Variants in MRPS28 observed in about 807,000 individuals in gnomAD.
The protein encoded by MRPS28 is small ribosomal subunit protein bS1m.
In MRPS28, 7 loss-of-function variants were observed where a neutral mutation model predicts 10.8. The observed-to-expected ratio is 0.65, with a 90% CI of 0.37 to 1.22. The LOEUF is 1.22. MRPS28 is among the 50% of genes most tolerant of loss of function. The pLI is 0.02. For synonymous variants in MRPS28, 121 were observed against 93.3 expected (o/e 1.30, Z -1.71); for missense variants, 265 against 232.9 (o/e 1.14, Z -0.90).
chr8:79,928,384 C>T (rs116153331), intron 2 of MRPS28, among the ~76,000 whole-genome samples: 209 of 151,966 alleles, frequency 1.4e-3, no homozygotes, highest in African/African-American at 4.9e-3. Flanking sequence ...GAATAGAGTT[C>T]GTGACTTGAC....
intron 2 of MRPS28, among the ~76,000 whole-genome samples, chr8:79,993,367 TA>T (rs1456844489): frequency 2.0e-5 from 3 of 152,310 alleles, no homozygotes; most frequent in African/African-American, 7.2e-5. Flanking sequence ...ATGATAGAGC[TA>T]TACATATGTG....
At chr8:79,939,015 T>C (rs1806684964) in intron 2 of MRPS28, among the ~76,000 whole-genome samples, 1 of 152,242 alleles carries the variant, frequency 6.6e-6, no homozygotes, top group South Asian at 2.1e-4. Flanking sequence ...TTCTAGTTTC[T>C]ATCAATATGC....
intron 1 of MRPS28, among the ~76,000 whole-genome samples, chr8:80,012,710 T>C (rs1464521409): frequency 1.3e-5 from 2 of 152,220 alleles, no homozygotes; most frequent in Non-Finnish European, 2.9e-5. Context: ...AGCCTGAAAG[T>C]TGACAGGACC....
At chr8:79,991,100 A>G (rs986267961) in intron 2 of MRPS28, among the ~76,000 whole-genome samples, 1 of 152,152 alleles carries the variant, frequency 6.6e-6, no homozygotes, top group East Asian at 1.9e-4. Context: ...GATTTCAGTG[A>G]TAATTAAGAG....
intron 1 of MRPS28, among the ~76,000 whole-genome samples, chr8:80,003,699 C>T (rs1808735963): frequency 1.3e-5 from 2 of 152,066 alleles, no homozygotes; most frequent in South Asian, 2.1e-4. Context: ...AGTGCCTCAC[C>T]CAGAAAACGC....
chr8:80,004,096 T>C (rs1160851522), intron 1 of MRPS28, among the ~76,000 whole-genome samples: 1 of 152,198 alleles, frequency 6.6e-6, no homozygotes, highest in Non-Finnish European at 1.5e-5. Context: ...GAAAAACCTC[T>C]GTAGACGTAA....
At chr8:79,998,435 T>G (rs544429753) in intron 2 of MRPS28, among the ~76,000 whole-genome samples, 2 of 152,228 alleles carry the variant, frequency 1.3e-5, no homozygotes, top group Admixed American at 6.5e-5. Flanking sequence ...TATGTCTATT[T>G]TGCAACTCAC....
chr8:79,962,865 T>C (rs1258154451), intron 2 of MRPS28, among the ~76,000 whole-genome samples: 5 of 152,130 alleles, frequency 3.3e-5, no homozygotes, highest in Admixed American at 1.3e-4. Context: ...TTTATTCAAA[T>C]GTTTGCTCCT....
chr8:80,027,097 T>C lies in MRPS28; in HGVS notation c.213+2939A>G, dbSNP rs184046295. Among the ~76,000 whole-genome samples the C allele has an allele frequency of 1.1e-4, 17 of 152,266 alleles. No individual in the cohort carries two copies. In the East Asian group the frequency reaches 3.3e-3, roughly 29 times the overall value. On this transcript the variant is annotated intron_variant, in intron 1 of 2. Coordinates refer to ENST00000276585, the MANE Select transcript of MRPS28 (RefSeq NM_014018.3). Reference sequence around the variant, plus strand: ...ACACGGTTTGATAAATTAAAGTTCATTATTAAGAAAACAATGGGACTTCAA... The same window carrying C: ...ACACGGTTTGATAAATTAAAGTTCACTATTAAGAAAACAATGGGACTTCAA...
chr8:80,028,321 A>T (rs1383773860), intron 1 of MRPS28, among the ~76,000 whole-genome samples: 1 of 152,034 alleles, frequency 6.6e-6, no homozygotes, highest in Non-Finnish European at 1.5e-5. Context: ...GGGAGCACTG[A>T]ACTCTATGTT....
At chr8:80,022,930 T>C (rs1809405752) in intron 1 of MRPS28, among the ~76,000 whole-genome samples, 1 of 152,202 alleles carries the variant, frequency 6.6e-6, no homozygotes, top group Non-Finnish European at 1.5e-5. Context: ...AATCAGATCA[T>C]ATGACCACCC....
intron 1 of MRPS28, among the ~76,000 whole-genome samples, chr8:80,004,114 T>C (rs1476497231): frequency 6.6e-6 from 1 of 152,226 alleles, no homozygotes; most frequent in Non-Finnish European, 1.5e-5. Flanking sequence ...TAAATGTCCC[T>C]GTCTGACAGC....
rs150704853 is a variant in MRPS28 at position 79,952,741 on chromosome 8, T to C, written c.396-33593A>G. ...GGAGCCAGCTGTTTAATATGCTGAC[T>C]GGGCCTCTCTTGAGAGCTACCTAGT... On this transcript the variant is annotated intron_variant, in intron 2 of 2. Coordinates refer to ENST00000276585, the MANE Select transcript of MRPS28 (RefSeq NM_014018.3). Among the ~76,000 whole-genome samples the C allele has an allele frequency of 5.5e-3, 837 of 152,290 alleles. 7 individuals carry two copies. Among genetic ancestry groups the C allele is most frequent in the African/African-American group, 0.018 (742 of 41,568 alleles).
At chr8:79,934,860 G>A (rs1806561944) in intron 2 of MRPS28, among the ~76,000 whole-genome samples, 1 of 152,072 alleles carries the variant, frequency 6.6e-6, no homozygotes, top group Non-Finnish European at 1.5e-5. Context: ...CACTAGTTTA[G>A]CAATTATTAA....
intron 1 of MRPS28, among the ~76,000 whole-genome samples, chr8:80,016,364 T>A (rs1448722470): frequency 1.3e-5 from 2 of 150,678 alleles, no homozygotes; most frequent in African/African-American, 2.4e-5. Context: ...TCATAAATCA[T>A]GCAATCAAGA....
intron 1 of MRPS28, among the ~76,000 whole-genome samples, chr8:80,015,345 T>C (rs1809166660): frequency 6.6e-6 from 1 of 152,200 alleles, no homozygotes; most frequent in African/African-American, 2.4e-5. Context: ...ATGACATGTG[T>C]CCTCAAGGAA....
At chr8:79,991,365 G>A (rs774834603) in intron 2 of MRPS28, among the ~76,000 whole-genome samples, 45 of 152,176 alleles carry the variant, frequency 3.0e-4, no homozygotes, top group Admixed American at 3.3e-4. Context: ...AGAAAGAGAA[G>A]CAGTATGGAC....
intron 2 of MRPS28, among the ~76,000 whole-genome samples, chr8:79,975,591 CT>C (rs1807774874): frequency 6.6e-6 from 1 of 151,922 alleles, no homozygotes; most frequent in East Asian, 1.9e-4. Flanking sequence ...AGGCCAATGA[CT>C]CTGGAGTACA....
intron 2 of MRPS28, among the ~76,000 whole-genome samples, chr8:79,919,980 C>T (rs921348846): frequency 1.6e-5 from 2 of 126,370 alleles, no homozygotes; most frequent in Non-Finnish European, 3.1e-5. Flanking sequence ...GTGATGTTCC[C>T]CTTCCTGTGT....
Sources: allele counts gnomAD v4.1 joint callset (sites outside exome capture counted in the v4.1 genomes callset), GRCh38; gene constraint gnomAD v4.1.1; transcripts MANE v1.5; gene names NCBI Gene and HGNC (gene_info 2026-07-23, HGNC 2026-07-21).